Variants in ZNF536 observed in about 807,000 individuals in gnomAD.
ZNF536 encodes zinc finger protein 536.
A neutral mutation model predicts 84.5 loss-of-function variants in ZNF536; 13 were observed. The observed-to-expected ratio is 0.15, with a 90% CI of 0.10 to 0.24. ZNF536 has a LOEUF of 0.24. Among genes scored for constraint, ZNF536 ranks in the 10% least tolerant of loss-of-function variants. ZNF536 has a pLI of 1.00. For missense variants in ZNF536, 1,536 were observed against 1,747.5 expected (o/e 0.88, Z 2.16); for synonymous variants, 811 against 742.5 (o/e 1.09, Z -1.50).
At chr19:30,565,696 A>G (rs1055974514) in intron 1 of ZNF536, among the ~76,000 whole-genome samples, 1 of 152,086 alleles carries the variant, frequency 6.6e-6, no homozygotes, top group African/African-American at 2.4e-5. Context: ...CCCCTCCCAC[A>G]TCCCCACCTT....
intron 2 of ZNF536, among the ~76,000 whole-genome samples, chr19:30,338,553 T>C (rs1401265649): frequency 6.6e-6 from 1 of 152,118 alleles, no homozygotes; most frequent in Non-Finnish European, 1.5e-5. Flanking sequence ...GACCTTGTGG[T>C]ATAGTGGCTA....
chr19:30,658,743 C>T (rs1305683093), intron 1 of ZNF536, among the ~76,000 whole-genome samples: 3 of 152,026 alleles, frequency 2.0e-5, no homozygotes, highest in Admixed American at 6.5e-5. Flanking sequence ...ACTCTCCCAC[C>T]GAATTGAAAA....
At chr19:30,640,803 A>G (rs2049241546) in intron 1 of ZNF536, among the ~76,000 whole-genome samples, 1 of 152,258 alleles carries the variant, frequency 6.6e-6, no homozygotes, top group Non-Finnish European at 1.5e-5. Context: ...TGCAGCATTT[A>G]CTAAGATGTT....
At position 30,402,349 on chromosome 19, in the gene ZNF536, C is replaced by A. The variant is rs1568394474; in HGVS notation, c.-3+29793C>A. Among the ~76,000 whole-genome samples, 4 of 152,036 alleles carry A rather than the reference C, an allele frequency of 2.6e-5. No homozygotes were observed. The East Asian group carries it at 7.7e-4, about 29-fold the overall frequency. On this transcript the variant is annotated intron_variant, in intron 1 of 4. Transcript: ENST00000355537. ...GAGGGGAAAAAAAAAGAGAAAACAG[C>A]AATTATTTCTTACTTTTCTCTTGAA...
intron 2 of ZNF536, among the ~76,000 whole-genome samples, chr19:30,510,990 G>A (rs575848406): frequency 3.3e-5 from 5 of 152,186 alleles, no homozygotes; most frequent in Non-Finnish European, 2.9e-5. Context: ...CTCCTCAGAG[G>A]CTGAGCCCTG....
intron 1 of ZNF536, among the ~76,000 whole-genome samples, chr19:30,386,492 C>G (rs1186173770): frequency 6.6e-6 from 1 of 152,194 alleles, no homozygotes; most frequent in Non-Finnish European, 1.5e-5. Context: ...ATCCTCCTAC[C>G]TCAGCCTCTC....
intron 1 of ZNF536, among the ~76,000 whole-genome samples, chr19:30,270,750 GTT>G (rs34762536): frequency 0.025 from 3,579 of 141,610 alleles, 131 homozygotes; most frequent in African/African-American, 0.079. Context: ...AAAAATGCAG[GTT>G]TTTTTTTTTT....
At chr19:30,518,609 G>T (rs544857097) in intron 2 of ZNF536, among the ~76,000 whole-genome samples, 1 of 152,218 alleles carries the variant, frequency 6.6e-6, no homozygotes, top group East Asian at 1.9e-4. Flanking sequence ...ACGCAGCACC[G>T]CTTTGAATAT....
chr19:30,589,505 G>T (rs1255915390), intron 1 of ZNF536, among the ~76,000 whole-genome samples: 2 of 152,196 alleles, frequency 1.3e-5, no homozygotes, highest in Admixed American at 1.3e-4. Context: ...TGTTGAAACC[G>T]ATTACCTCCT....
intron 1 of ZNF536, among the ~76,000 whole-genome samples, chr19:30,610,302 G>A (rs933712940): frequency 3.9e-5 from 6 of 152,086 alleles, no homozygotes; most frequent in African/African-American, 9.7e-5. Flanking sequence ...AGGGTGTGAC[G>A]GCAACCATAT....
rs1729535882 is a variant in ZNF536, at chr19:30,418,644, G to A, written c.-2-24917G>A. ...GGATCTGCAAAGATGGGACAGAGGT[G>A]GCTCCTCTGAAGGTGGGGTTGGCCG... On this transcript the variant is annotated intron_variant, in intron 1 of 4. Transcript: ENST00000355537. Among the ~76,000 whole-genome samples, 3 of 152,176 alleles carry A rather than the reference G, an allele frequency of 2.0e-5. No homozygotes were observed. In the South Asian group the frequency reaches 6.2e-4, roughly 31 times the overall value.
At position 30,350,357 on chromosome 19, in the gene ZNF536, G is replaced by A. The variant is rs1196713584; in HGVS notation, c.-119-2011G>A. Among the ~76,000 whole-genome samples, 4 of 152,206 alleles carry A rather than the reference G, an allele frequency of 2.6e-5. 1 individual carries two copies. The South Asian group carries it at 8.3e-4, about 32-fold the overall frequency. ...AGGGGGAATGAGCATTGGCATTTAT[G>A]TCTGGACCAGAATCGAGTCCAATGT... On this transcript the variant is annotated intron_variant, in intron 2 of 5. Transcript: ENST00000585628.
At chr19:30,689,868 A>G (rs2051341667) in intron 1 of ZNF536, among the ~76,000 whole-genome samples, 1 of 152,208 alleles carries the variant, frequency 6.6e-6, no homozygotes. Flanking sequence ...GCTGCAAGAA[A>G]CAGAATTAGA....
At chr19:30,635,427 C>A (rs1008275035) in intron 1 of ZNF536, among the ~76,000 whole-genome samples, 3 of 152,172 alleles carry the variant, frequency 2.0e-5, no homozygotes, top group Non-Finnish European at 2.9e-5. Flanking sequence ...ATTCACAGAA[C>A]TGGGCACTGG....
At chr19:30,250,847 GTTT>G (rs10712065) in intron 1 of ZNF536, among the ~76,000 whole-genome samples, 12 of 143,102 alleles carry the variant, frequency 8.4e-5, no homozygotes, top group African/African-American at 3.0e-4. Context: ...TGCCTGTTGG[GTTT>G]TTTTTTTTTT....
At chr19:30,446,276 A>T (rs1568440518) in intron 2 of ZNF536, among the ~76,000 whole-genome samples, 1 of 134,722 alleles carries the variant, frequency 7.4e-6, no homozygotes, top group South Asian at 2.4e-4. Context: ...AAAAAAAAAG[A>T]AAGAAAGAAA....
chr19:30,384,726 G>T (rs1023277769), intron 1 of ZNF536, among the ~76,000 whole-genome samples: 1 of 152,088 alleles, frequency 6.6e-6, no homozygotes, highest in Non-Finnish European at 1.5e-5. Flanking sequence ...ACCAAATGGT[G>T]TTTAGAAAAT....
At chr19:30,479,869 C>T (rs978257306) in intron 2 of ZNF536, among the ~76,000 whole-genome samples, 6 of 152,166 alleles carry the variant, frequency 3.9e-5, no homozygotes, top group Non-Finnish European at 7.3e-5. Context: ...TCTTTTTTAT[C>T]TCCGTGGAAA....
chr19:30,602,856 G>A (rs1284615055), intron 1 of ZNF536, among the ~76,000 whole-genome samples: 2 of 152,200 alleles, frequency 1.3e-5, no homozygotes, highest in Non-Finnish European at 2.9e-5. Context: ...GTACTCTTGA[G>A]AGACCTTAAT....
Sources: gnomAD v4.1 joint callset for allele counts (sites outside exome capture counted in the v4.1 genomes callset) on GRCh38, gnomAD v4.1.1 for gene constraint, MANE v1.5 for transcripts, NCBI Gene and HGNC (gene_info 2026-07-23, HGNC 2026-07-21) for gene names.